The following COL18A1 variants were observed in gnomAD, a reference collection of about 807,000 sequenced individuals.
COL18A1 encodes collagen type XVIII alpha 1 chain.
In COL18A1, 133 loss-of-function variants were observed where a neutral mutation model predicts 168.0. The ratio of observed to expected loss-of-function variants is 0.79; its 90% confidence interval spans 0.69 to 0.91. The LOEUF (loss-of-function observed/expected upper bound fraction) is 0.91. Among genes scored for constraint, COL18A1 ranks in the 40% least tolerant of loss-of-function variants. COL18A1 has a pLI of 0.00. For synonymous variants in COL18A1, 949 were observed against 809.0 expected, an observed-to-expected ratio of 1.17 and a Z score of -2.94; for missense variants, 2,126 against 1,925.4, an observed-to-expected ratio of 1.10 and a Z score of -1.95.
At position 45,443,220 on chromosome 21, in the gene COL18A1, C is replaced by T. The variant is rs1268331135; in HGVS notation, c.107-25022C>T. Among the ~76,000 whole-genome samples, 1 of 151,668 alleles carries T rather than the reference C, an allele frequency of 6.6e-6. No individual in the cohort carries two copies. The highest frequency in any genetic ancestry group is 1.5e-5 in the Non-Finnish European group (1 of 67,928). ...CTTGCATCCAGCACAGGTCCTGGTG[C>T]CTGGGAGGTGCTTACCCCATGGCCC... On this transcript the variant is annotated intron_variant, in intron 2 of 41. Coordinates refer to ENST00000651438, the MANE Select transcript of COL18A1 (RefSeq NM_001379500.1). This position sits in a 1 kb window ranked among gnomAD's most constrained non-coding sequence, Gnocchi z 5.2.
chr21:45,406,867 C>G lies in COL18A1; in HGVS notation c.106+1394C>G, dbSNP rs536775348. Among the ~76,000 whole-genome samples the G allele has an allele frequency of 2.5e-3, 384 of 152,354 alleles. 2 individuals carry two copies. Among genetic ancestry groups the G allele is most frequent in the African/African-American group, 9.0e-3 (374 of 41,578 alleles). ...CTTTGGTGAGATGCAATCTTGAGAT[C>G]TAAGAGTGGGGTGTAAAGTCAGTGC... On this transcript the variant is annotated intron_variant, in intron 2 of 41. Transcript: ENST00000651438.
Position 45,437,632 on chromosome 21 carries a change from ACT to A in COL18A1, c.107-30608_107-30607del, listed in dbSNP as rs1491133434. Among the ~76,000 whole-genome samples the A allele has an allele frequency of 1.6e-4, 10 of 62,390 alleles. 1 individual carries two copies. Among genetic ancestry groups the A allele is most frequent in the Non-Finnish European group, 2.0e-4 (7 of 35,766 alleles). 40.9% of individuals were successfully genotyped at this position (62,390 alleles called of 152,430 possible). A position where few individuals can be genotyped will look rare whatever the true frequency, so the allele number is the denominator to read the frequency against. ...CACACAGGCACTCTCCTGCACACAC[ACT>A]CACACAGGCACTCTCCTGCACACAC... On this transcript the variant is annotated intron_variant, in intron 2 of 41. Coordinates refer to ENST00000651438, the MANE Select transcript of COL18A1 (RefSeq NM_001379500.1).
At chr21:45,501,655 C>T (rs1292742805) in intron 32 of COL18A1, among the ~76,000 whole-genome samples, 2 of 150,780 alleles carry the variant, frequency 1.3e-5, no homozygotes, top group Admixed American at 1.3e-4. Flanking sequence ...GGTGGGGCCT[C>T]CACAGCCGGT....
intron 2 of COL18A1, among the ~76,000 whole-genome samples, chr21:45,415,186 C>T (rs1451269616): frequency 6.6e-6 from 1 of 152,106 alleles, no homozygotes; most frequent in African/African-American, 2.4e-5. Context: ...GGAATAAGGG[C>T]CTCTCACCTG....
At chr21:45,500,269 TGG>T (rs2036712594) in intron 32 of COL18A1, among the ~76,000 whole-genome samples, 1 of 99,724 alleles carries the variant, frequency 1.0e-5, no homozygotes, top group African/African-American at 4.2e-5. Flanking sequence ...ATGTGGGTGT[TGG>T]GTGTGTAGTG....
rs1309464632 is a variant in COL18A1, at chr21:45,513,211, G to A, written c.*813G>A. The stretch of plus-strand genomic sequence containing the variant: ...TCCAGGGCCCCCATCTCATGCCCCT[G>A]GCTGGGACGTGGCTCAGCCAGCACT... On this transcript the variant is annotated 3_prime_UTR_variant, in exon 42 of 42. Coordinates refer to ENST00000651438, the MANE Select transcript of COL18A1 (RefSeq NM_001379500.1). 3 of 152,374 alleles carry A rather than the reference G, an allele frequency of 2.0e-5. No individual in the cohort carries two copies. The highest frequency in any genetic ancestry group is 4.4e-5 in the Non-Finnish European group (3 of 68,168). The allele number at this position is 152,374 out of a possible 1,614,324, so 9.4% of individuals were successfully genotyped here. A position where few individuals can be genotyped will look rare whatever the true frequency, so the allele number is the denominator to read the frequency against.
chr21:45,456,465 TG>T (rs1221077852), intron 2 of COL18A1: 1 of 1,545,336 alleles, frequency 6.5e-7, no homozygotes, highest in Non-Finnish European at 8.8e-7. Flanking sequence ...GCTAACTCTG[TG>T]GGGCCGGGTC....
chr21:45,494,335 C>T, intron 26 of COL18A1: 1 of 670,522 alleles, frequency 1.5e-6, no homozygotes, highest in Non-Finnish European at 2.6e-6. Flanking sequence ...CCCGACCCTC[C>T]CCTCACCAGT....
intron 2 of COL18A1, among the ~76,000 whole-genome samples, chr21:45,426,127 C>G (rs947756735): frequency 2.0e-5 from 3 of 151,964 alleles, no homozygotes; most frequent in Admixed American, 6.6e-5. Flanking sequence ...TTTTTTGAGA[C>G]AGAGTCTCGC....
chr21:45,468,375 C>T lies in COL18A1; in HGVS notation c.240C>T (p.Ala80=). Residue 80 remains alanine, a synonymous_variant, in exon 3 of 42, where the codon GCC becomes GCT. Coordinates refer to ENST00000651438, the MANE Select transcript of COL18A1 (RefSeq NM_001379500.1). ...FGPDANSGQV[A]RYHFPSLFFR... ...CAGATGCCAACAGTGGCCAAGTGGC[C>T]CGGTACCACTTCCCCAGCCTCTTCT... 6.2e-7 allele frequency: 1 copy of T among 1,613,862 alleles called. No individual in the cohort carries two copies. The highest frequency in any genetic ancestry group is 8.5e-7 in the Non-Finnish European group (1 of 1,180,046).
intron 2 of COL18A1, among the ~76,000 whole-genome samples, chr21:45,428,199 G>A (rs1195826595): frequency 6.6e-6 from 1 of 152,208 alleles, no homozygotes; most frequent in Non-Finnish European, 1.5e-5. Context: ...GGCTCTCAGA[G>A]TTTGAGGAGC....
chr21:45,512,471 C>A lies in COL18A1; in HGVS notation c.*73C>A. 7.0e-7 allele frequency: 1 copy of A among 1,428,524 alleles called. No individual in the cohort carries two copies. The highest frequency in any genetic ancestry group is 9.6e-7 in the Non-Finnish European group (1 of 1,037,562). 88.5% of individuals were successfully genotyped at this position (1,428,524 alleles called of 1,614,324 possible). ...AGCCCCCACCGTGGGCAGGGAGCGG[C>A]CGGCCAGCCCCTGGCCCCAGGACCT... On this transcript the variant is annotated 3_prime_UTR_variant, in exon 42 of 42. Coordinates refer to ENST00000651438, the MANE Select transcript of COL18A1 (RefSeq NM_001379500.1).
chr21:45,501,528 C>T (rs938317307), intron 32 of COL18A1, among the ~76,000 whole-genome samples: 5 of 152,148 alleles, frequency 3.3e-5, no homozygotes, highest in African/African-American at 1.2e-4. Context: ...CTCAGGAATC[C>T]AGGAGAAGCA....
At position 45,490,830 on chromosome 21, in the gene COL18A1, C is replaced by T. The variant is rs886057126; in HGVS notation, c.2032-6C>T. On this transcript the variant is annotated splice_polypyrimidine_tract_variant and splice_region_variant and intron_variant, in intron 20 of 41. Coordinates refer to ENST00000651438, the MANE Select transcript of COL18A1 (RefSeq NM_001379500.1). ...GTGATGAACCATTTCCTTCCTGTCT[C>T]TCCAGGGGCCAAAGGGAGACAGAGG... 22 of 1,550,070 alleles carry T rather than the reference C, an allele frequency of 1.4e-5. No homozygotes were observed. Among genetic ancestry groups the T allele is most frequent in the Middle Eastern group, 1.7e-4 (1 of 6,012 alleles).
In COL18A1 at chr21:45,437,998, ACT is replaced by A. The variant is rs374000681; in HGVS notation, c.107-30240_107-30239del. Among the ~76,000 whole-genome samples the A allele has an allele frequency of 4.1e-4, 34 of 82,556 alleles. 5 individuals are homozygous for A. The East Asian group carries it at 9.6e-3, about 23-fold the overall frequency. 54.2% of individuals were successfully genotyped at this position (82,556 alleles called of 152,430 possible). A position where few individuals can be genotyped will look rare whatever the true frequency, so the allele number is the denominator to read the frequency against. On this transcript the variant is annotated intron_variant, in intron 2 of 41. Transcript: ENST00000651438. Reference sequence around the variant, plus strand: ...CACTCACACACTCAGACACACAGGCACTCTCCTGCACACACACACTCACTCAC... The same window carrying A: ...CACTCACACACTCAGACACACAGGCACTCCTGCACACACACACTCACTCAC...
At position 45,417,957 on chromosome 21, in the gene COL18A1, C is replaced by G. The variant is rs143060345; in HGVS notation, c.106+12484C>G. ...TGTGTCTCCGGCCTCTTCCATCTCCCCAGACACGTCTTTCCTGGGAGGTGG... is the reference window on the plus strand; with the variant it reads ...TGTGTCTCCGGCCTCTTCCATCTCCGCAGACACGTCTTTCCTGGGAGGTGG... On this transcript the variant is annotated intron_variant, in intron 2 of 41. Transcript: ENST00000651438. 1.4e-3 allele frequency among the ~76,000 whole-genome samples: 214 copies of G among 152,378 alleles called. 1 individual carries two copies. The highest frequency in any genetic ancestry group is 5.0e-3 in the African/African-American group (208 of 41,594).
Position 45,512,542 on chromosome 21 carries a change from A to C in COL18A1, c.*144A>C. 1.4e-6 allele frequency: 1 copy of C among 739,042 alleles called. No homozygotes were observed. The highest frequency in any genetic ancestry group is 1.7e-5 in the South Asian group (1 of 59,518). 45.8% of individuals were successfully genotyped at this position (739,042 alleles called of 1,614,324 possible). ...TAGTTCACGTTTCATGTAATCCTCA[A>C]GAAATAAAAGGAAGCCAAAGAGTGT... On this transcript the variant is annotated 3_prime_UTR_variant, in exon 42 of 42. Coordinates refer to ENST00000651438, the MANE Select transcript of COL18A1 (RefSeq NM_001379500.1).
At position 45,487,628 on chromosome 21, in the gene COL18A1, G is replaced by A. The variant is rs370228968; in HGVS notation, c.1896+119G>A. The A allele has an allele frequency of 1.8e-4, 242 of 1,313,266 alleles. 2 individuals are homozygous for A. The highest frequency in any genetic ancestry group is 1.0e-3 in the South Asian group (86 of 85,164). 81.4% of individuals were successfully genotyped at this position (1,313,266 alleles called of 1,614,324 possible). A position where few individuals can be genotyped will look rare whatever the true frequency, so the allele number is the denominator to read the frequency against. ...GGATCGGAAGCCGCCCTGCAGAGCC[G>A]TGAGGACCACGTGTGGCGGGCGCTG... On this transcript the variant is annotated intron_variant, in intron 17 of 41. Transcript: ENST00000651438.
Position 45,487,795 on chromosome 21 carries a change from T to C in COL18A1, c.1896+286T>C, listed in dbSNP as rs994789182. Among the ~76,000 whole-genome samples the C allele has an allele frequency of 2.6e-5, 4 of 152,352 alleles. No individual in the cohort carries two copies. The South Asian group carries it at 8.3e-4, about 32-fold the overall frequency. Reference sequence around the variant, plus strand: ...GGGGCCGCATGCCCCCTGAAAGGCCTTTCTGGGGAAATTCAAGTCATCACA... The same window carrying C: ...GGGGCCGCATGCCCCCTGAAAGGCCCTTCTGGGGAAATTCAAGTCATCACA... On this transcript the variant is annotated intron_variant, in intron 17 of 41. Transcript: ENST00000651438.
Sources: gnomAD v4.1 joint callset for allele counts (sites outside exome capture counted in the v4.1 genomes callset) on GRCh38, gnomAD v4.1.1 for gene constraint, Gnocchi (gnomAD v3.1) non-coding constraint, MANE v1.5 for transcripts, NCBI Gene and HGNC (gene_info 2026-07-23, HGNC 2026-07-21) for gene names.